ZNF407: variants seen among roughly 807,000 people sequenced by gnomAD.
ZNF407 encodes zinc finger protein 407.
In ZNF407, 17 loss-of-function variants were observed where a neutral mutation model predicts 131.2. The observed-to-expected ratio is 0.13, with a 90% CI of 0.09 to 0.19. The LOEUF (loss-of-function observed/expected upper bound fraction) is 0.19, where lower values mean the gene tolerates loss of function less well. Among genes scored for constraint, ZNF407 ranks in the 10% least tolerant of loss-of-function variants. The pLI, the probability that ZNF407 is intolerant of heterozygous loss-of-function variation, is 1.00. For synonymous variants in ZNF407, 1,156 were observed against 1,062.0 expected (o/e 1.09, Z -1.72); for missense variants, 2,681 against 2,830.6 (o/e 0.95, Z 1.20).
chr18:75,007,412 C>T (rs1972923873), intron 8 of ZNF407, among the ~76,000 whole-genome samples: 1 of 152,184 alleles, frequency 6.6e-6, no homozygotes. Flanking sequence ...TGTCACACAA[C>T]ACAGGGCACC....
chr18:74,977,665 C>T (rs1429239236), intron 8 of ZNF407, among the ~76,000 whole-genome samples: 5 of 152,184 alleles, frequency 3.3e-5, no homozygotes, highest in Non-Finnish European at 7.4e-5. Flanking sequence ...GTAGAGGGAG[C>T]AGTGCCTGTT....
intron 8 of ZNF407, among the ~76,000 whole-genome samples, chr18:75,029,189 C>T (rs573780154): frequency 4.6e-5 from 7 of 152,266 alleles, no homozygotes; most frequent in Admixed American, 1.3e-4. Flanking sequence ...CATACACAGA[C>T]GTACAAATGC....
At chr18:74,780,339 CA>C (rs1416266561) in intron 3 of ZNF407, among the ~76,000 whole-genome samples, 1 of 152,098 alleles carries the variant, frequency 6.6e-6, no homozygotes, top group Non-Finnish European at 1.5e-5. Context: ...TGGCTTTTGT[CA>C]CAAGTCTTTT....
rs1190435598 is a variant in ZNF407, at chr18:74,635,658, C to T, written c.4639C>T (p.Arg1547Ter). The T allele has an allele frequency of 1.2e-6, 2 of 1,609,100 alleles. No individual in the cohort carries two copies. The highest frequency in any genetic ancestry group is 1.7e-6 in the Non-Finnish European group (2 of 1,177,112). The change falls in exon 2 of 9, where the codon CGA becomes TGA. Residue 1547 changes from arginine to a stop codon, truncating the protein, a stop_gained. Transcript: ENST00000299687. LOFTEE classifies it high-confidence loss of function. The surrounding 1 kb of genome is among the most constrained non-coding windows in gnomAD (Gnocchi z 4.7). Reference sequence around the variant, plus strand: ...CTGCAAGTATTGTGGGAAGATGTGTCGAAGCAGCAACTCGATGGCCTTCCT... The same window carrying T: ...CTGCAAGTATTGTGGGAAGATGTGTTGAAGCAGCAACTCGATGGCCTTCCT... ...NVCKYCGKMC[R>*]SSNSMAFLAH... is the part of the protein sequence containing the mutation.
At chr18:74,647,479 T>C (rs1240886152) in intron 3 of ZNF407, among the ~76,000 whole-genome samples, 1 of 152,142 alleles carries the variant, frequency 6.6e-6, no homozygotes. Flanking sequence ...CTCAGGATTC[T>C]GTAACCTTCC....
At chr18:74,672,321 T>A (rs1685561619) in intron 3 of ZNF407, among the ~76,000 whole-genome samples, 1 of 152,232 alleles carries the variant, frequency 6.6e-6, no homozygotes, top group South Asian at 2.1e-4. Flanking sequence ...AGCTTTTTTT[T>A]AACATGCTTG....
Position 74,870,483 on chromosome 18 carries a change from GA to G in ZNF407, c.4878-6711del, listed in dbSNP as rs956528677. Among the ~76,000 whole-genome samples the G allele has an allele frequency of 3.3e-5, 5 of 152,148 alleles. 1 individual carries two copies. Among genetic ancestry groups the G allele is most frequent in the African/African-American group, 1.2e-4 (5 of 41,438 alleles). ...AGCCTTAGAGTTGAATTTAGTAAAT[GA>G]AACCTTTCTATTCTTAGGTCTTTGT... On this transcript the variant is annotated intron_variant, in intron 4 of 8. Coordinates refer to ENST00000299687, the MANE Select transcript of ZNF407 (RefSeq NM_017757.3).
At chr18:74,598,732 A>C (rs1367623170) in intron 1 of ZNF407, among the ~76,000 whole-genome samples, 1 of 152,270 alleles carries the variant, frequency 6.6e-6, no homozygotes, top group Non-Finnish European at 1.5e-5. Context: ...CGCTGCGGGC[A>C]GCAGTGGGTT....
Position 74,650,307 on chromosome 18 carries a change from G to A in ZNF407, c.4802+9185G>A, listed in dbSNP as rs141084144. Among the ~76,000 whole-genome samples the A allele has an allele frequency of 2.1e-3, 319 of 152,162 alleles. 5 individuals are homozygous for A. Among genetic ancestry groups the A allele is most frequent in the African/African-American group, 6.8e-3 (284 of 41,528 alleles). ...CTATATGGTCTCTGTGCATGGTATC[G>A]TTTACAATTGTTGGTGCTTACTTAG... On this transcript the variant is annotated intron_variant, in intron 3 of 8. Coordinates refer to ENST00000299687, the MANE Select transcript of ZNF407 (RefSeq NM_017757.3).
In ZNF407 at chr18:75,063,536, A is replaced by C. The variant is rs781028409; in HGVS notation, c.5815A>C (p.Thr1939Pro). The C allele has an allele frequency of 6.4e-6, 10 of 1,573,434 alleles. No individual in the cohort carries two copies. The South Asian group carries it at 1.2e-4, about 18-fold the overall frequency. ...CCCCGAGCAGCTGGCTGATGGAGCC[A>C]CCCAGGTGGTCGTCGTGGGGGGCTC... is the stretch of plus-strand genomic sequence containing the variant. ...ILPEQLADGA[T>P]QVVVVGGSME... is the part of the protein sequence containing the mutation. Residue 1939 changes from threonine to proline, a missense_variant, in exon 9 of 9, where the codon ACC becomes CCC. This residue lies in a region of ZNF407 where 620 missense variants were observed against 583.1 expected (regional missense o/e 1.06). Coordinates refer to ENST00000299687, the MANE Select transcript of ZNF407 (RefSeq NM_017757.3). The surrounding 1 kb of genome is among the most constrained non-coding windows in gnomAD (Gnocchi z 6.6).
At chr18:74,716,083 G>C (rs933062342) in intron 3 of ZNF407, among the ~76,000 whole-genome samples, 2 of 152,212 alleles carry the variant, frequency 1.3e-5, no homozygotes, top group African/African-American at 4.8e-5. Context: ...CTTATTCAGA[G>C]TACTGAAGTG....
At chr18:74,719,566 A>AT (rs1429000475) in intron 3 of ZNF407, among the ~76,000 whole-genome samples, 9 of 151,236 alleles carry the variant, frequency 6.0e-5, no homozygotes, top group African/African-American at 1.5e-4. Flanking sequence ...CGCCCGGCTA[A>AT]TTTTTTTTTG....
At chr18:74,865,282 A>G (rs994731370) in intron 4 of ZNF407, among the ~76,000 whole-genome samples, 3 of 152,208 alleles carry the variant, frequency 2.0e-5, no homozygotes, top group Non-Finnish European at 4.4e-5. Context: ...AAAAAGAGAG[A>G]CAGTAGCAAT....
At position 74,808,083 on chromosome 18, in the gene ZNF407, G is replaced by C. The variant is rs577826576; in HGVS notation, c.4877+26581G>C. Among the ~76,000 whole-genome samples the C allele has an allele frequency of 2.0e-5, 3 of 151,938 alleles. No individual in the cohort carries two copies. In the East Asian group the frequency reaches 5.8e-4, roughly 29 times the overall value. ...GGCTGGAGTTCGATGGCGCGATCTC[G>C]GCACACCGCAACTTCCGCCTCCGAG... On this transcript the variant is annotated intron_variant, in intron 4 of 8. Coordinates refer to ENST00000299687, the MANE Select transcript of ZNF407 (RefSeq NM_017757.3).
At chr18:74,907,518 A>G (rs957023097) in intron 7 of ZNF407, among the ~76,000 whole-genome samples, 4 of 152,236 alleles carry the variant, frequency 2.6e-5, no homozygotes, top group East Asian at 1.9e-4. Flanking sequence ...GTAACCGTAC[A>G]TGGTCGGGGA....
Position 74,634,167 on chromosome 18 carries a change from G to A in ZNF407, c.3148G>A (p.Ala1050Thr), listed in dbSNP as rs773584167. The A allele has an allele frequency of 2.1e-5, 34 of 1,613,892 alleles. No homozygotes were observed. The highest frequency in any genetic ancestry group is 8.3e-5 in the Admixed American group (5 of 60,006). Residue 1050 changes from alanine to threonine, a missense_variant, in exon 2 of 9, where the codon GCA becomes ACA. Coordinates refer to ENST00000299687, the MANE Select transcript of ZNF407 (RefSeq NM_017757.3). ...AAAAGAGTTTGAGTTTTATTGCATG[G>A]CATGCGATTACTACGCGGTGACTCG... The part of the protein sequence containing the change: ...HTKEFEFYCM[A>T]CDYYAVTRRE...
chr18:74,920,065 G>A (rs1052516338), intron 7 of ZNF407, among the ~76,000 whole-genome samples: 3 of 152,078 alleles, frequency 2.0e-5, no homozygotes, highest in Non-Finnish European at 2.9e-5. Flanking sequence ...CATTATTTTA[G>A]AGCCCACTTA....
At chr18:74,985,278 A>C (rs576866848) in intron 8 of ZNF407, among the ~76,000 whole-genome samples, 1 of 152,338 alleles carries the variant, frequency 6.6e-6, no homozygotes, top group South Asian at 2.1e-4. Flanking sequence ...CCTGTGTAGG[A>C]AGAAAAATAA....
At chr18:74,989,929 T>C (rs1279235204) in intron 8 of ZNF407, among the ~76,000 whole-genome samples, 1 of 152,178 alleles carries the variant, frequency 6.6e-6, no homozygotes, top group East Asian at 1.9e-4. Flanking sequence ...TACTTTTCAT[T>C]TACCATCTTA....
Sources: allele counts gnomAD v4.1 joint callset (sites outside exome capture counted in the v4.1 genomes callset), GRCh38; gene constraint gnomAD v4.1.1; regional missense constraint gnomAD v4.1.1; non-coding constraint Gnocchi (gnomAD v3.1); transcripts MANE v1.5; gene names NCBI Gene and HGNC (gene_info 2026-07-23, HGNC 2026-07-21).